The following TRIM55 variants were observed in gnomAD, a reference collection of about 807,000 sequenced individuals.
TRIM55 encodes tripartite motif-containing protein 55.
TRIM55 carries 50 observed loss-of-function variants against 60.9 expected under a neutral mutation model. The observed-to-expected ratio is 0.82, with a 90% CI of 0.65 to 1.04. The LOEUF is 1.04. Ranked by LOEUF, TRIM55 falls within the 50% of genes least tolerant of loss-of-function variation. TRIM55 has a pLI of 0.00. For synonymous variants in TRIM55, 237 were observed against 238.1 expected (o/e 1.00, Z 0.04); for missense variants, 681 against 666.9 (o/e 1.02, Z -0.23).
intron 4 of TRIM55, among the ~76,000 whole-genome samples, chr8:66,141,696 T>C (rs1046557880): frequency 2.0e-5 from 3 of 152,224 alleles, no homozygotes; most frequent in African/African-American, 4.8e-5. Context: ...AACATCCCTG[T>C]TTTGTATGGC....
At chr8:66,119,061 G>C in the TRIM55 span, among the ~76,000 whole-genome samples, 1 of 152,246 alleles carries the variant, frequency 6.6e-6, no homozygotes, top group Non-Finnish European at 1.5e-5. Context: ...TGGTGCTGGA[G>C]TTGACCTGAA....
At chr8:66,113,356 AC>A in the TRIM55 span, 1 of 366,844 alleles carries the variant, frequency 2.7e-6, no homozygotes, top group Middle Eastern at 9.4e-4. Flanking sequence ...ACGCCGACAC[AC>A]GTACACGTCC....
chr8:66,128,405 T>G lies in TRIM55; in HGVS notation c.270T>G (p.His90Gln). 1 of 1,613,852 alleles carries G rather than the reference T, an allele frequency of 6.2e-7. No homozygotes were observed. The highest frequency in any genetic ancestry group is 8.5e-7 in the Non-Finnish European group (1 of 1,179,916). Residue 90 changes from histidine to glutamine, a missense_variant, in exon 2 of 10, where the codon CAT (histidine) becomes CAG (glutamine). Coordinates refer to ENST00000315962, the MANE Select transcript of TRIM55 (RefSeq NM_184085.2). ...GACATGAAGTGGTTTTGGATAGACA[T>G]GGGGTATATGGACTTCAGAGGAACC... is the stretch of plus-strand genomic sequence containing the variant. Reference protein sequence around the residue: ...SCRHEVVLDRHGVYGLQRNLL... With the variant: ...SCRHEVVLDRQGVYGLQRNLL...
At position 66,137,140 on chromosome 8, in the gene TRIM55, C is replaced by A. The variant is rs144527623; in HGVS notation, c.553C>A (p.Arg185=). The change falls in exon 4 of 10, where the codon CGA becomes AGA. Residue 185 remains arginine (R), a synonymous_variant. Transcript: ENST00000315962. ...CGCCATCCTCGTGGGCAGCAACGAT[C>A]GAGTCCAGGGAGTGATCAGCCAGCT... ...GIAILVGSND[R]VQGVISQLED... 9.6e-4 allele frequency: 1,543 copies of A among 1,614,118 alleles called. 3 individuals carry two copies. Among genetic ancestry groups the A allele is most frequent in the Non-Finnish European group, 1.2e-3 (1,370 of 1,180,008 alleles).
intron 2 of TRIM55, among the ~76,000 whole-genome samples, chr8:66,132,122 C>G (rs552205063): frequency 6.6e-6 from 1 of 152,288 alleles, no homozygotes; most frequent in East Asian, 1.9e-4. Flanking sequence ...GGCCACATAG[C>G]CACTACATGG....
Position 66,152,419 on chromosome 8 carries a change from AAGAAGG to A in TRIM55, c.1040_1045del (p.Gly347_Glu348del). On this transcript the variant is annotated inframe_deletion, in exon 8 of 10. Coordinates refer to ENST00000315962, the MANE Select transcript of TRIM55 (RefSeq NM_184085.2). ...GAAGAAGAAGGCGGAGAAGGAGAAA[AAGAAGG>A]AGAAGGAGAAGTGGGAGGAGAAGCA... is the stretch of plus-strand genomic sequence containing the variant. 6.2e-7 allele frequency: 1 copy of A among 1,611,434 alleles called. No individual in the cohort carries two copies. The highest frequency in any genetic ancestry group is 1.7e-4 in the Middle Eastern group (1 of 6,060).
chr8:66,147,226 A>T (rs1054612140), intron 4 of TRIM55, among the ~76,000 whole-genome samples: 3 of 152,232 alleles, frequency 2.0e-5, no homozygotes, highest in Admixed American at 2.0e-4. Flanking sequence ...GACACAAATG[A>T]CATGCATTGT....
the TRIM55 span, chr8:66,113,411 C>T: frequency 4.7e-6 from 2 of 427,644 alleles, no homozygotes; most frequent in Non-Finnish European, 9.4e-6. Context: ...TAGCTACTTC[C>T]TCAGCAGGAG....
intron 4 of TRIM55, among the ~76,000 whole-genome samples, chr8:66,144,550 A>G (rs1466849296): frequency 6.6e-6 from 1 of 152,226 alleles, no homozygotes; most frequent in Non-Finnish European, 1.5e-5. Context: ...TTCACTTGCT[A>G]AGCACACTCA....
upstream of TRIM55, among the ~76,000 whole-genome samples, chr8:66,124,355 A>C (rs1586157176): frequency 6.6e-6 from 1 of 151,848 alleles, no homozygotes. Flanking sequence ...AGTGTTAAAA[A>C]CTCTTTAGCA....
chr8:66,130,761 C>G (rs180740913), intron 2 of TRIM55, among the ~76,000 whole-genome samples: 1 of 150,912 alleles, frequency 6.6e-6, no homozygotes, highest in African/African-American at 2.4e-5. Flanking sequence ...CCCAGGTTCA[C>G]GCCATTCTCC....
At chr8:66,113,419 G>A in the TRIM55 span, 8 of 436,476 alleles carry the variant, frequency 1.8e-5, no homozygotes, top group South Asian at 6.5e-5. Flanking sequence ...TCCTCAGCAG[G>A]AGACATCCTT....
chr8:66,118,641 A>C, the TRIM55 span, among the ~76,000 whole-genome samples: 3 of 152,222 alleles, frequency 2.0e-5, no homozygotes, highest in African/African-American at 7.2e-5. Flanking sequence ...AAGTTGTTAC[A>C]TGGAGGGAAA....
At chr8:66,125,674 C>G (rs1808792862), upstream of TRIM55, among the ~76,000 whole-genome samples, 1 of 152,130 alleles carries the variant, frequency 6.6e-6, no homozygotes, top group African/African-American at 2.4e-5. Flanking sequence ...CCTGTAGTTG[C>G]TAAATAAATA....
the TRIM55 span, among the ~76,000 whole-genome samples, chr8:66,118,124 G>C: frequency 7.6e-5 from 10 of 130,806 alleles, no homozygotes; most frequent in East Asian, 7.2e-4. Flanking sequence ...AGCCGAGATC[G>C]CGCCACTGCA....
At chr8:66,135,596 C>T (rs982547853) in intron 3 of TRIM55, among the ~76,000 whole-genome samples, 3 of 152,044 alleles carry the variant, frequency 2.0e-5, no homozygotes, top group Admixed American at 6.6e-5. Context: ...TTCTTTGGCC[C>T]TCCTCAATGC....
At chr8:66,113,373 A>G in the TRIM55 span, 1 of 384,158 alleles carries the variant, frequency 2.6e-6, no homozygotes, top group Non-Finnish European at 5.2e-6. Flanking sequence ...CGTCCCTTCG[A>G]TAGCTCAGCT....
intron 9 of TRIM55, among the ~76,000 whole-genome samples, chr8:66,174,102 C>T (rs1381609194): frequency 2.0e-5 from 3 of 151,754 alleles, no homozygotes; most frequent in Admixed American, 2.0e-4. Context: ...TTCTGCAACC[C>T]TTTCTAAACC....
At chr8:66,120,878 G>C in the TRIM55 span, among the ~76,000 whole-genome samples, 3 of 152,228 alleles carry the variant, frequency 2.0e-5, no homozygotes. Context: ...CTCCAAATTT[G>C]TAGCCAGTTG....
Sources: allele counts gnomAD v4.1 joint callset (sites outside exome capture counted in the v4.1 genomes callset), GRCh38; gene constraint gnomAD v4.1.1; transcripts MANE v1.5; gene names NCBI Gene and HGNC (gene_info 2026-07-23, HGNC 2026-07-21).